Variants in CMTM4 observed in about 807,000 individuals in gnomAD.
The protein encoded by CMTM4 is CKLF-like MARVEL transmembrane domain-containing protein 4.
Under a neutral mutation model 19.0 loss-of-function variants are expected in CMTM4, and 8 were observed. The observed-to-expected ratio is 0.42, with a 90% CI of 0.25 to 0.76. The LOEUF (loss-of-function observed/expected upper bound fraction) is 0.76, where lower values mean the gene tolerates loss of function less well. Among genes scored for constraint, CMTM4 ranks in the 30% least tolerant of loss-of-function variants. CMTM4 has a pLI of 0.27. For missense variants in CMTM4, 228 were observed against 290.2 expected (o/e 0.79, Z 1.56); for synonymous variants, 106 against 121.1 (o/e 0.88, Z 0.82).
the CMTM4 span, among the ~76,000 whole-genome samples, chr16:66,606,555 T>G: frequency 6.6e-6 from 1 of 152,140 alleles, no homozygotes; most frequent in African/African-American, 2.4e-5. Context: ...GCCACAGTGC[T>G]TCCTGTGGGG....
In CMTM4 at chr16:66,696,708, C is replaced by T. The variant is rs1269925426; in HGVS notation, c.-183G>A. Reference sequence around the variant, plus strand: ...GGCTGCGGCTGCGGCTCGGTCCGCTCGGGCTCGGCTCCCGCCGCCTCGGCA... The same window carrying T: ...GGCTGCGGCTGCGGCTCGGTCCGCTTGGGCTCGGCTCCCGCCGCCTCGGCA... On this transcript the variant is annotated 5_prime_UTR_variant, in exon 1 of 4. Transcript: ENST00000394106. The surrounding 1 kb of genome is among the most constrained non-coding windows in gnomAD (Gnocchi z 4.3). The T allele has an allele frequency of 2.5e-5, 4 of 162,422 alleles. No homozygotes were observed. Among genetic ancestry groups the T allele is most frequent in the South Asian group, 1.7e-4 (1 of 5,718 alleles). 10.1% of individuals were successfully genotyped at this position (162,422 alleles called of 1,614,324 possible). A position where few individuals can be genotyped will look rare whatever the true frequency, so the allele number is the denominator to read the frequency against.
At chr16:66,648,127 C>T (rs900794030) in intron 1 of CMTM4, among the ~76,000 whole-genome samples, 2 of 152,192 alleles carry the variant, frequency 1.3e-5, no homozygotes, top group African/African-American at 4.8e-5. Context: ...AATGAGCTGC[C>T]AAGTGCATCA....
intron 2 of CMTM4, among the ~76,000 whole-genome samples, chr16:66,629,129 G>A (rs1413656987): frequency 6.6e-6 from 1 of 152,304 alleles, no homozygotes; most frequent in Non-Finnish European, 1.5e-5. Context: ...CCTGGGCCAT[G>A]AAACAAATCA....
chr16:66,658,199 A>G (rs564919592), intron 1 of CMTM4, among the ~76,000 whole-genome samples: 1 of 150,270 alleles, frequency 6.7e-6, no homozygotes, highest in African/African-American at 2.4e-5. Context: ...GAAAGCAAAG[A>G]AAGGGAAAGA....
chr16:66,692,481 A>G (rs2017153531), intron 1 of CMTM4, among the ~76,000 whole-genome samples: 1 of 152,238 alleles, frequency 6.6e-6, no homozygotes, highest in South Asian at 2.1e-4. Flanking sequence ...CAGATGACTC[A>G]GAAGTTCTGG....
At chr16:66,672,924 CTTTTT>C (rs150720178) in intron 1 of CMTM4, among the ~76,000 whole-genome samples, 1 of 107,942 alleles carries the variant, frequency 9.3e-6, no homozygotes, top group Admixed American at 1.1e-4. Context: ...CTGCGCCTGG[CTTTTT>C]TTTTTTTTTT....
intron 1 of CMTM4, among the ~76,000 whole-genome samples, chr16:66,679,929 G>A (rs189722542): frequency 3.9e-5 from 6 of 152,116 alleles, no homozygotes; most frequent in Admixed American, 2.0e-4. Flanking sequence ...CTCTGGCCTT[G>A]GAAGGTAGAC....
the CMTM4 span, among the ~76,000 whole-genome samples, chr16:66,602,824 G>C: frequency 2.0e-5 from 3 of 151,978 alleles, no homozygotes; most frequent in Admixed American, 6.6e-5. Flanking sequence ...TGGAATTATA[G>C]GCATGGGCCA....
At chr16:66,663,702 C>T (rs1348752330) in intron 1 of CMTM4, among the ~76,000 whole-genome samples, 3 of 151,782 alleles carry the variant, frequency 2.0e-5, no homozygotes, top group East Asian at 1.9e-4. Flanking sequence ...GCCGCCACAC[C>T]GAGCTAATTT....
Position 66,621,292 on chromosome 16 carries a change from G to A in CMTM4, c.*766C>T. 1 of 985,536 alleles carries A rather than the reference G, an allele frequency of 1.0e-6. No individual in the cohort carries two copies. Among genetic ancestry groups the A allele is most frequent in the African/African-American group, 1.7e-5 (1 of 57,362 alleles). 61.0% of individuals were successfully genotyped at this position (985,536 alleles called of 1,614,324 possible). A position where few individuals can be genotyped will look rare whatever the true frequency, so the allele number is the denominator to read the frequency against. On this transcript the variant is annotated 3_prime_UTR_variant, in exon 4 of 4. Coordinates refer to ENST00000394106, the MANE Select transcript of CMTM4 (RefSeq NM_181521.3). ...TTCTTTCATGGCTTTTACCTGAGAA[G>A]GTAAAATGACTGAAAATCTGCAATT...
chr16:66,688,190 C>CTGAGCCCTCA (rs911095867), intron 1 of CMTM4, among the ~76,000 whole-genome samples: 8 of 152,110 alleles, frequency 5.3e-5, no homozygotes, highest in Non-Finnish European at 8.8e-5. Context: ...TTCATGAGGG[C>CTGAGCCCTCA]TGAGCCCTCA....
the CMTM4 span, chr16:66,604,641 G>A: frequency 2.1e-6 from 1 of 485,486 alleles, no homozygotes; most frequent in Non-Finnish European, 3.1e-6. Context: ...GGAGGGGCGG[G>A]CTGGAGGAGC....
intron 2 of CMTM4, among the ~76,000 whole-genome samples, chr16:66,625,916 T>C (rs1421163457): frequency 1.3e-5 from 2 of 152,068 alleles, no homozygotes; most frequent in African/African-American, 2.4e-5. Flanking sequence ...AGTGGCCACA[T>C]GTGACAAGTG....
chr16:66,664,529 A>T (rs1403353772), intron 1 of CMTM4, among the ~76,000 whole-genome samples: 1 of 152,168 alleles, frequency 6.6e-6, no homozygotes, highest in African/African-American at 2.4e-5. Context: ...GGGTAAAGGG[A>T]CCTATGTACT....
chr16:66,658,905 CAATCT>C (rs1378943882), intron 1 of CMTM4, among the ~76,000 whole-genome samples: 1 of 152,190 alleles, frequency 6.6e-6, no homozygotes, highest in Non-Finnish European at 1.5e-5. Flanking sequence ...ACCCACCAAT[CAATCT>C]TGGCTTCACT....
At chr16:66,609,058 C>T in the CMTM4 span, among the ~76,000 whole-genome samples, 1 of 152,336 alleles carries the variant, frequency 6.6e-6, no homozygotes, top group African/African-American at 2.4e-5. The surrounding 1 kb of genome is among the most constrained non-coding windows in gnomAD (Gnocchi z 4.4). Context: ...AATGGATCGG[C>T]CACAAGAGTG....
chr16:66,687,058 G>C (rs892596889), intron 1 of CMTM4, among the ~76,000 whole-genome samples: 1 of 151,214 alleles, frequency 6.6e-6, no homozygotes, highest in African/African-American at 2.4e-5. Context: ...ACTAACAAAT[G>C]AGGGTAAATT....
At chr16:66,612,527 C>G, downstream of CMTM4, 2 of 1,462,410 alleles carry the variant, frequency 1.4e-6, no homozygotes, top group Non-Finnish European at 1.9e-6. The surrounding 1 kb of genome is among the most constrained non-coding windows in gnomAD (Gnocchi z 6.0). Flanking sequence ...TGCCAGCAAC[C>G]CAGCTGTGCT....
intron 1 of CMTM4, among the ~76,000 whole-genome samples, chr16:66,641,732 C>T (rs1208854244): frequency 6.6e-6 from 1 of 152,194 alleles, no homozygotes; most frequent in African/African-American, 2.4e-5. Flanking sequence ...CAAATGGTCA[C>T]TGTGTTCAAA....
Sources: gnomAD v4.1 joint callset for allele counts (sites outside exome capture counted in the v4.1 genomes callset) on GRCh38, gnomAD v4.1.1 for gene constraint, Gnocchi (gnomAD v3.1) non-coding constraint, MANE v1.5 for transcripts, NCBI Gene and HGNC (gene_info 2026-07-23, HGNC 2026-07-21) for gene names.